Variants in RPTOR observed in about 807,000 individuals in gnomAD.
RPTOR encodes the protein regulatory-associated protein of mTOR.
In RPTOR, 21 loss-of-function variants were observed where a neutral mutation model predicts 169.9. The observed-to-expected ratio is 0.12, with a 90% confidence interval of 0.09 to 0.18. RPTOR has a LOEUF of 0.18. Ranked by LOEUF, RPTOR falls within the 10% of genes least tolerant of loss-of-function variation. RPTOR has a pLI of 1.00. For synonymous variants in RPTOR, 732 were observed against 753.2 expected (o/e 0.97, Z 0.46); for missense variants, 1,133 against 1,855.9 (o/e 0.61, Z 7.16).
rs2067841034 is a variant in RPTOR, at chr17:80,855,392, T to C, written c.1315-72T>C. 2.6e-6 allele frequency: 3 copies of C among 1,141,496 alleles called. No homozygotes were observed. The South Asian group carries it at 3.7e-5, about 14-fold the overall frequency. 70.7% of individuals were successfully genotyped at this position (1,141,496 alleles called of 1,614,324 possible). A position where few individuals can be genotyped will look rare whatever the true frequency, so the allele number is the denominator to read the frequency against. On this transcript the variant is annotated intron_variant, in intron 11 of 33. Coordinates refer to ENST00000306801, the MANE Select transcript of RPTOR (RefSeq NM_020761.3). ...GTCAGACCGCTCCAAAGCTGGCAGCTCATGCAGCAGCGTTTCGGGGTTGCA... is the reference window on the plus strand; with the variant it reads ...GTCAGACCGCTCCAAAGCTGGCAGCCCATGCAGCAGCGTTTCGGGGTTGCA...
At chr17:80,615,025 T>C (rs1032892656) in intron 1 of RPTOR, among the ~76,000 whole-genome samples, 8 of 152,230 alleles carry the variant, frequency 5.3e-5, no homozygotes, top group Admixed American at 1.3e-4. Context: ...GACGTTATTT[T>C]ACTAAGGTGA....
At chr17:80,691,795 C>T (rs1465036102) in intron 3 of RPTOR, among the ~76,000 whole-genome samples, 1 of 152,144 alleles carries the variant, frequency 6.6e-6, no homozygotes, top group African/African-American at 2.4e-5. Context: ...TTGTTCAGCC[C>T]CCTTTCTCTA....
chr17:80,634,716 G>A (rs370948249), intron 2 of RPTOR, among the ~76,000 whole-genome samples: 251 of 62,440 alleles, frequency 4.0e-3, no homozygotes, highest in East Asian at 5.7e-3. Flanking sequence ...GTGTGTGTGC[G>A]TACTGTGTGT....
chr17:80,634,354 GTACTGTGTGTGCA>G (rs2065473300), intron 2 of RPTOR, among the ~76,000 whole-genome samples: 7 of 66,176 alleles, frequency 1.1e-4, no homozygotes, highest in African/African-American at 1.7e-4. Context: ...GTGCATGTGC[GTACTGTGTGTGCA>G]TACTGTGTGT....
intron 6 of RPTOR, among the ~76,000 whole-genome samples, chr17:80,782,108 A>G (rs1053483500): frequency 6.6e-6 from 1 of 152,184 alleles, no homozygotes; most frequent in African/African-American, 2.4e-5. Flanking sequence ...TGTTTCACAT[A>G]GGGTCAGCTC....
intron 1 of RPTOR, among the ~76,000 whole-genome samples, chr17:80,558,893 C>T (rs1347487753): frequency 2.6e-5 from 4 of 152,196 alleles, no homozygotes; most frequent in African/African-American, 9.7e-5. Context: ...AAAGAAGTCT[C>T]TCAGTCTGTT....
At chr17:80,875,913 C>T (rs1274827802) in intron 13 of RPTOR, among the ~76,000 whole-genome samples, 9 of 113,458 alleles carry the variant, frequency 7.9e-5, no homozygotes, top group Non-Finnish European at 1.1e-4. Flanking sequence ...CCAGGTCTTC[C>T]ACCGAGCCCG....
chr17:80,923,803 T>A, intron 23 of RPTOR, 130 bp downstream of exon 23: 1 of 1,021,128 alleles, frequency 9.8e-7, no homozygotes, highest in Non-Finnish European at 1.4e-6. Flanking sequence ...CCGTCCTGGG[T>A]CTGTGGGCCA....
chr17:80,925,299 T>G, intron 23 of RPTOR, 71 bp from the exon 24 acceptor site: 14 of 1,342,008 alleles, frequency 1.0e-5, no homozygotes, highest in Non-Finnish European at 1.4e-5. Flanking sequence ...CTGCAGCTCT[T>G]TTGAGCTCAG....
At position 80,726,412 on chromosome 17, in the gene RPTOR, G is replaced by A. The variant is rs1209706044; in HGVS notation, c.508-4148G>A. ...CGTGGAGGGAGAGACTGCCAGTGCT[G>A]TCCTAGTGCAGCAGTACCTCATGGT... On this transcript the variant is annotated intron_variant, in intron 4 of 33. Coordinates refer to ENST00000306801, the MANE Select transcript of RPTOR (RefSeq NM_020761.3). This position sits in a 1 kb window ranked among gnomAD's most constrained non-coding sequence, Gnocchi z 4.5. 6.6e-6 allele frequency among the ~76,000 whole-genome samples: 1 copy of A among 152,196 alleles called. No homozygotes were observed. The highest frequency in any genetic ancestry group is 1.5e-5 in the Non-Finnish European group (1 of 68,040).
chr17:80,684,921 CTTAACATTGT>C, intron 3 of RPTOR, among the ~76,000 whole-genome samples: 1 of 152,164 alleles, frequency 6.6e-6, no homozygotes. Context: ...GAGTCAACAT[CTTAACATTGT>C]AACATTTTGC....
intron 5 of RPTOR, among the ~76,000 whole-genome samples, chr17:80,751,831 A>C (rs1374933622): frequency 6.6e-6 from 1 of 152,196 alleles, no homozygotes; most frequent in Non-Finnish European, 1.5e-5. Context: ...TCCAGCCCTC[A>C]TGCTGACCGC....
chr17:80,760,937 G>A lies in RPTOR; in HGVS notation c.830+6752G>A, dbSNP rs150525532. ...TGTACATGTGTACTTGGTGGCAAGC[G>A]TATTTATGAATCTTATTTGATGATG... On this transcript the variant is annotated intron_variant, in intron 6 of 33. Transcript: ENST00000306801. Among the ~76,000 whole-genome samples the A allele has an allele frequency of 1.4e-3, 212 of 152,250 alleles. 2 individuals carry two copies. The highest frequency in any genetic ancestry group is 6.7e-3 in the East Asian group (35 of 5,190).
intron 2 of RPTOR, among the ~76,000 whole-genome samples, chr17:80,632,082 C>T (rs1347800086): frequency 6.6e-6 from 1 of 152,150 alleles, no homozygotes; most frequent in African/African-American, 2.4e-5. Flanking sequence ...CTGCTTGTCC[C>T]CCACACCCCA....
At chr17:80,712,915 G>A (rs2143120635) in intron 4 of RPTOR, among the ~76,000 whole-genome samples, 1 of 152,312 alleles carries the variant, frequency 6.6e-6, no homozygotes. Flanking sequence ...TCGTAATGAT[G>A]TGAAATTGGG....
intron 20 of RPTOR, 82 bp downstream of exon 20, chr17:80,893,947 A>T: frequency 7.4e-7 from 1 of 1,348,680 alleles, no homozygotes; most frequent in East Asian, 2.7e-5. Context: ...CTGTGTCTGC[A>T]TCAGGTCAGT....
intron 7 of RPTOR, among the ~76,000 whole-genome samples, chr17:80,806,785 A>G (rs889694299): frequency 6.6e-6 from 1 of 152,108 alleles, no homozygotes; most frequent in Non-Finnish European, 1.5e-5. Flanking sequence ...TTATACGTAT[A>G]TCTTTTTTCT....
chr17:80,570,952 G>A (rs1420704101), intron 1 of RPTOR, among the ~76,000 whole-genome samples: 1 of 152,190 alleles, frequency 6.6e-6, no homozygotes. Context: ...ATGATCCCTA[G>A]ACAACTAATT....
intron 28 of RPTOR, among the ~76,000 whole-genome samples, chr17:80,950,269 C>T (rs1280752086): frequency 1.3e-5 from 2 of 152,234 alleles, no homozygotes; most frequent in Non-Finnish European, 2.9e-5. Flanking sequence ...CGCCAGCCCC[C>T]CTCTGCCGGC....
Sources: gnomAD v4.1 joint callset for allele counts (sites outside exome capture counted in the v4.1 genomes callset) on GRCh38, gnomAD v4.1.1 for gene constraint, Gnocchi (gnomAD v3.1) non-coding constraint, MANE v1.5 for transcripts, NCBI Gene and HGNC (gene_info 2026-07-23, HGNC 2026-07-21) for gene names.